CABLES1: variants seen among roughly 807,000 people sequenced by gnomAD.
CABLES1 encodes CDK5 and ABL1 enzyme substrate 1.
In CABLES1, 36 loss-of-function variants were observed where a neutral mutation model predicts 57.8. The ratio of observed to expected loss-of-function variants is 0.62; its 90% confidence interval spans 0.48 to 0.82. CABLES1 has a LOEUF of 0.82. Ranked by LOEUF, CABLES1 falls within the 40% of genes least tolerant of loss-of-function variation. CABLES1 has a pLI of 0.00. For synonymous variants in CABLES1, 374 were observed against 363.0 expected (o/e 1.03, Z -0.35); for missense variants, 767 against 836.6 (o/e 0.92, Z 1.03).
chr18:23,231,771 A>G (rs1460393664), intron 4 of CABLES1, among the ~76,000 whole-genome samples: 2 of 149,700 alleles, frequency 1.3e-5, no homozygotes. Flanking sequence ...ACATGACTAT[A>G]TTTTTTTTTT....
rs879341800 is a variant in CABLES1, at chr18:23,218,275, GCCTCCC to G, written c.1088+4222_1088+4227del. On this transcript the variant is annotated intron_variant, in intron 4 of 9. Transcript: ENST00000256925. ...TGCCTCCCACATCCTCACTTGCCCTGCCTCCCGCATCCTCACTTGCCCTGCCTCCCG... is the reference window on the plus strand; with the variant it reads ...TGCCTCCCACATCCTCACTTGCCCTGGCATCCTCACTTGCCCTGCCTCCCG... Among the ~76,000 whole-genome samples the G allele has an allele frequency of 1.9e-3, 278 of 150,228 alleles. 2 individuals are homozygous for G. Among genetic ancestry groups the G allele is most frequent in the South Asian group, 4.0e-3 (19 of 4,706 alleles).
chr18:23,201,971 G>A (rs1368134914), intron 3 of CABLES1, among the ~76,000 whole-genome samples: 1 of 152,224 alleles, frequency 6.6e-6, no homozygotes, highest in East Asian at 1.9e-4. Context: ...AGCAGTCATG[G>A]AGACGCTGAG....
intron 3 of CABLES1, among the ~76,000 whole-genome samples, chr18:23,209,576 G>GTATTCACCCCGCCGTTAC (rs1469964640): frequency 6.6e-6 from 1 of 152,104 alleles, no homozygotes; most frequent in African/African-American, 2.4e-5. Context: ...GGGCTTCACT[G>GTATTCACCCCGCCGTTAC]TATTCACCCC....
At chr18:23,202,057 G>GC (rs1257802100) in intron 3 of CABLES1, among the ~76,000 whole-genome samples, 1 of 152,026 alleles carries the variant, frequency 6.6e-6, no homozygotes, top group Admixed American at 6.6e-5. Context: ...AAGGAAGGAA[G>GC]GAAGGAAGGC....
chr18:23,249,561 G>C (rs2047987108), intron 7 of CABLES1, among the ~76,000 whole-genome samples: 1 of 152,222 alleles, frequency 6.6e-6, no homozygotes, highest in African/African-American at 2.4e-5. Context: ...TGCGTCTCCT[G>C]CTTTGTGCTC....
intron 4 of CABLES1, among the ~76,000 whole-genome samples, chr18:23,234,205 T>G (rs997497094): frequency 2.0e-5 from 3 of 151,198 alleles, no homozygotes; most frequent in African/African-American, 4.9e-5. Context: ...GCAACAAGAG[T>G]GAAACTCCGT....
At chr18:23,197,673 C>A (rs1023747934) in intron 3 of CABLES1, 1 of 152,180 alleles carries the variant, frequency 6.6e-6, no homozygotes. Flanking sequence ...CTGGGTGTTT[C>A]GTCTCCTAGC....
intron 2 of CABLES1, among the ~76,000 whole-genome samples, chr18:23,192,082 G>GT (rs1166021697): frequency 6.6e-6 from 1 of 152,312 alleles, no homozygotes; most frequent in Admixed American, 6.5e-5. Context: ...GCACATCGTG[G>GT]TTTGTTAGTG....
intron 7 of CABLES1, among the ~76,000 whole-genome samples, chr18:23,247,106 A>G (rs1349085073): frequency 2.0e-5 from 3 of 152,194 alleles, no homozygotes; most frequent in Non-Finnish European, 2.9e-5. Context: ...TGGTAATCCC[A>G]CTGCCGTGGC....
chr18:23,148,783 G>A (rs535161727), intron 1 of CABLES1, among the ~76,000 whole-genome samples: 3 of 152,288 alleles, frequency 2.0e-5, no homozygotes, highest in Admixed American at 1.3e-4. Context: ...GGTTTAAGAC[G>A]GTGAGTTTAA....
chr18:23,255,195 C>T (rs2048131834), intron 9 of CABLES1, among the ~76,000 whole-genome samples: 1 of 152,036 alleles, frequency 6.6e-6, no homozygotes, highest in Admixed American at 6.6e-5. Flanking sequence ...ATTTGAAGAG[C>T]AAAAGGGGTC....
At chr18:23,207,181 A>G (rs796441765) in intron 3 of CABLES1, among the ~76,000 whole-genome samples, 6 of 152,346 alleles carry the variant, frequency 3.9e-5, no homozygotes, top group African/African-American at 1.4e-4. Context: ...ATTAGGTCAT[A>G]TATAAGGGAC....
chr18:23,173,244 GC>G (rs1360464881), intron 1 of CABLES1, among the ~76,000 whole-genome samples: 1 of 152,186 alleles, frequency 6.6e-6, no homozygotes, highest in East Asian at 1.9e-4. Flanking sequence ...GGGAGGGTTT[GC>G]CCAGGTCTCT....
intron 1 of CABLES1, among the ~76,000 whole-genome samples, chr18:23,170,549 C>T (rs1461600489): frequency 6.6e-6 from 1 of 152,100 alleles, no homozygotes; most frequent in Non-Finnish European, 1.5e-5. Context: ...TTTTATTGGT[C>T]TCATAGCAGA....
intron 3 of CABLES1, among the ~76,000 whole-genome samples, chr18:23,202,276 A>G (rs948835488): frequency 3.3e-5 from 5 of 152,206 alleles, no homozygotes; most frequent in Non-Finnish European, 5.9e-5. Context: ...GTGGGTGGGT[A>G]TTATCTTCTA....
rs765014921 is a variant in CABLES1, at chr18:23,259,830, C to T, written c.*2463C>T. Reference sequence around the variant, plus strand: ...CTGAGGTTTTGCCCTTTGACCTCCTCCACAGAGGGCAGCTTCAGCCCCTTG... The same window carrying T: ...CTGAGGTTTTGCCCTTTGACCTCCTTCACAGAGGGCAGCTTCAGCCCCTTG... On this transcript the variant is annotated 3_prime_UTR_variant, in exon 10 of 10. Transcript: ENST00000256925. 2 of 152,302 alleles carry T rather than the reference C, an allele frequency of 1.3e-5. No individual in the cohort carries two copies. The highest frequency in any genetic ancestry group is 2.9e-5 in the Non-Finnish European group (2 of 68,122). The allele number at this position is 152,302 out of a possible 1,614,324, so 9.4% of individuals were successfully genotyped here. A position where few individuals can be genotyped will look rare whatever the true frequency, so the allele number is the denominator to read the frequency against.
chr18:23,225,079 C>T (rs929221943), intron 4 of CABLES1, among the ~76,000 whole-genome samples: 4 of 152,100 alleles, frequency 2.6e-5, no homozygotes, highest in Admixed American at 2.0e-4. Context: ...GCTGCCCAGG[C>T]TGGTCTCAAA....
chr18:23,255,278 T>G (rs182261877), intron 9 of CABLES1, among the ~76,000 whole-genome samples: 3 of 152,222 alleles, frequency 2.0e-5, no homozygotes, highest in Admixed American at 1.3e-4. Flanking sequence ...TATCAAAGCA[T>G]CAGAATACAG....
chr18:23,141,592 CG>C (rs2046858100), intron 1 of CABLES1, among the ~76,000 whole-genome samples: 1 of 152,168 alleles, frequency 6.6e-6, no homozygotes, highest in Non-Finnish European at 1.5e-5. Context: ...TTTTGGAGGT[CG>C]GAGTTGTAGC....
Sources: allele counts gnomAD v4.1 joint callset (sites outside exome capture counted in the v4.1 genomes callset), GRCh38; gene constraint gnomAD v4.1.1; transcripts MANE v1.5; gene names NCBI Gene and HGNC (gene_info 2026-07-23, HGNC 2026-07-21).